ZNF566: variants seen among roughly 807,000 people sequenced by gnomAD.
ZNF566 encodes the protein zinc finger protein 566.
ZNF566 carries 27 observed loss-of-function variants against 32.8 expected under a neutral mutation model. The ratio of observed to expected loss-of-function variants is 0.82; its 90% CI spans 0.61 to 1.14. The LOEUF is 1.14. Among genes scored for constraint, ZNF566 ranks in the 50% most tolerant of loss-of-function variants. The pLI, the probability that ZNF566 is intolerant of heterozygous loss-of-function variation, is 0.00. For missense variants in ZNF566, 402 were observed against 490.4 expected, an observed-to-expected ratio of 0.82 and a Z score of 1.70; for synonymous variants, 154 against 159.5, an observed-to-expected ratio of 0.97 and a Z score of 0.26.
At position 36,473,407 on chromosome 19, in the gene ZNF566, C is replaced by T; in HGVS notation, c.61G>A (p.Glu21Lys). The T allele has an allele frequency of 2.5e-6, 4 of 1,613,436 alleles. No individual in the cohort carries two copies. The South Asian group carries it at 4.4e-5, about 18-fold the overall frequency. ...VSVDFSQEEWECLNDDQRDLY... is the reference protein window; with the variant it reads ...VSVDFSQEEWKCLNDDQRDLY... ...TCTCTCTGATCATCATTCAGGCATT[C>T]CCACTCCTCCTGAGAGAAGTCTACG... Residue 21 changes from glutamate to lysine, a missense_variant, in exon 3 of 5, where the codon GAA becomes AAA. This residue lies in a region of ZNF566 where 220 missense variants were observed against 241.9 expected (regional missense o/e 0.91). Coordinates refer to ENST00000452939, the MANE Select transcript of ZNF566 (RefSeq NM_001145344.1).
chr19:36,475,357 T>C (rs897012102), intron 2 of ZNF566, among the ~76,000 whole-genome samples: 1 of 152,144 alleles, frequency 6.6e-6, no homozygotes, highest in African/African-American at 2.4e-5. Flanking sequence ...CAATTTTTCA[T>C]GGATGCTTAG....
At chr19:36,475,643 G>A (rs1021073801) in intron 2 of ZNF566, among the ~76,000 whole-genome samples, 1 of 152,024 alleles carries the variant, frequency 6.6e-6, no homozygotes, top group Admixed American at 6.6e-5. Context: ...AGGATTTTTG[G>A]TAGAAATCTG....
chr19:36,455,634 G>A (rs2033283065), intron 4 of ZNF566, among the ~76,000 whole-genome samples: 1 of 152,094 alleles, frequency 6.6e-6, no homozygotes, highest in African/African-American at 2.4e-5. Flanking sequence ...CAGTTACTCA[G>A]GAGGCTGAGG....
At chr19:36,480,229 T>A (rs2033991348) in intron 1 of ZNF566, among the ~76,000 whole-genome samples, 2 of 151,506 alleles carry the variant, frequency 1.3e-5, no homozygotes. Context: ...GAGAGCCACA[T>A]AACCACATGT....
rs532076156 is a variant in ZNF566, at chr19:36,463,385, C to A, written c.232+9526G>T. Among the ~76,000 whole-genome samples the A allele has an allele frequency of 1.8e-4, 28 of 151,916 alleles. No homozygotes were observed. In the Middle Eastern group the frequency reaches 0.014, roughly 74 times the overall value. ...AATAAAATATCAAATGAACTATAAG[C>A]CCTTTTTTGAGATAAGTTTATAAAA... On this transcript the variant is annotated intron_variant, in intron 4 of 4. Transcript: ENST00000452939.
chr19:36,484,701 T>C (rs1817496776), intron 1 of ZNF566, among the ~76,000 whole-genome samples: 2 of 148,188 alleles, frequency 1.3e-5, no homozygotes, highest in African/African-American at 5.0e-5. Context: ...GCCATTCTCC[T>C]GCCAGAGCCT....
chr19:36,459,382 T>G (rs1278126855), intron 4 of ZNF566, among the ~76,000 whole-genome samples: 1 of 151,400 alleles, frequency 6.6e-6, no homozygotes, highest in Non-Finnish European at 1.5e-5. Flanking sequence ...GCCTGGCTAA[T>G]TTTTGTATTT....
chr19:36,462,818 G>A (rs568799578), intron 4 of ZNF566, among the ~76,000 whole-genome samples: 10 of 151,478 alleles, frequency 6.6e-5, no homozygotes, highest in Non-Finnish European at 1.3e-4. Context: ...TTAGCCAGGC[G>A]TGGTGGGGGG....
rs1189292482 is a variant in ZNF566, at chr19:36,476,492, T to A, written c.9+57A>T. 3 of 1,493,422 alleles carry A rather than the reference T, an allele frequency of 2.0e-6. No individual in the cohort carries two copies. In the East Asian group the frequency reaches 6.8e-5, roughly 34 times the overall value. The allele number at this position is 1,493,422 out of a possible 1,614,324, so 92.5% of individuals were successfully genotyped here. A position where few individuals can be genotyped will look rare whatever the true frequency, so the allele number is the denominator to read the frequency against. ...GCATCATCATGAGGAAAGCAAATGTTTACAGTTACTAGAAGTAAAAATCAC... is the reference window on the plus strand; with the variant it reads ...GCATCATCATGAGGAAAGCAAATGTATACAGTTACTAGAAGTAAAAATCAC... On this transcript the variant is annotated intron_variant, in intron 2 of 4. Coordinates refer to ENST00000452939, the MANE Select transcript of ZNF566 (RefSeq NM_001145344.1).
chr19:36,476,504 G>A (rs751466750), intron 2 of ZNF566, 45 bp downstream of exon 2: 1 of 1,532,706 alleles, frequency 6.5e-7, no homozygotes, highest in Non-Finnish European at 9.0e-7. Flanking sequence ...ACAGTTACTA[G>A]AAGTAAAAAT....
chr19:36,465,613 A>G (rs916901746), intron 4 of ZNF566, among the ~76,000 whole-genome samples: 10 of 151,988 alleles, frequency 6.6e-5, no homozygotes, highest in African/African-American at 2.4e-4. Flanking sequence ...CTGGGACTAC[A>G]GGTGCCCGCC....
intron 2 of ZNF566, among the ~76,000 whole-genome samples, chr19:36,474,161 T>C (rs1375817258): frequency 6.6e-6 from 1 of 151,898 alleles, no homozygotes; most frequent in African/African-American, 2.4e-5. Context: ...GAAGACAACA[T>C]AGGATTCAGG....
intron 4 of ZNF566, among the ~76,000 whole-genome samples, chr19:36,450,772 C>A (rs1798666997): frequency 6.6e-6 from 1 of 152,246 alleles, no homozygotes; most frequent in South Asian, 2.1e-4. Flanking sequence ...TATGGCCCTG[C>A]ACCCATTTTT....
Position 36,449,878 on chromosome 19 carries a change from C to T in ZNF566, c.356G>A (p.Arg119Lys). ...TRRDFQCSSF[R>K]DDWECNRQFK... The stretch of plus-strand genomic sequence containing the variant: ...CTGCCGATTACATTCCCAATCATCT[C>T]TGAAACTGGAGCACTGAAAATCACG... The change falls in exon 5 of 5, where the codon AGA (arginine) becomes AAA (lysine). Residue 119 changes from arginine to lysine, a missense_variant. Arg to Lys is a conservative substitution (Grantham distance 26). Transcript: ENST00000452939. The T allele has an allele frequency of 6.2e-7, 1 of 1,614,136 alleles. No individual in the cohort carries two copies. The highest frequency in any genetic ancestry group is 8.5e-7 in the Non-Finnish European group (1 of 1,180,022).
chr19:36,479,483 T>C (rs1340961000), intron 1 of ZNF566, among the ~76,000 whole-genome samples: 1 of 152,206 alleles, frequency 6.6e-6, no homozygotes, highest in African/African-American at 2.4e-5. Flanking sequence ...ACAGTTTCCA[T>C]AATAAACATC....
At chr19:36,463,989 G>A (rs541814101) in intron 4 of ZNF566, among the ~76,000 whole-genome samples, 19 of 151,984 alleles carry the variant, frequency 1.3e-4, no homozygotes, top group African/African-American at 4.6e-4. Context: ...GCCTCCCAAA[G>A]TGTTGGGATT....
intron 4 of ZNF566, among the ~76,000 whole-genome samples, chr19:36,465,250 A>G (rs1461484562): frequency 6.6e-6 from 1 of 152,180 alleles, no homozygotes; most frequent in Non-Finnish European, 1.5e-5. Flanking sequence ...ATCATAAGGA[A>G]AGATGGTGGA....
chr19:36,463,955 G>A (rs970140726), intron 4 of ZNF566, among the ~76,000 whole-genome samples: 8 of 151,754 alleles, frequency 5.3e-5, no homozygotes, highest in Non-Finnish European at 7.4e-5. Flanking sequence ...CGAACTCCTG[G>A]CCTCAAGTGA....
chr19:36,471,706 C>T (rs1037464534), intron 4 of ZNF566, among the ~76,000 whole-genome samples: 1 of 152,038 alleles, frequency 6.6e-6, no homozygotes, highest in Non-Finnish European at 1.5e-5. Context: ...TCTCTCCCTA[C>T]ACTGTGGGGT....
Sources: allele counts gnomAD v4.1 joint callset (sites outside exome capture counted in the v4.1 genomes callset), GRCh38; gene constraint gnomAD v4.1.1; regional missense constraint gnomAD v4.1.1; transcripts MANE v1.5; gene names NCBI Gene and HGNC (gene_info 2026-07-23, HGNC 2026-07-21).